The following UBE2J2 variants were observed in gnomAD, a reference collection of about 807,000 sequenced individuals.
UBE2J2 encodes the protein ubiquitin conjugating enzyme E2 J2.
A neutral mutation model predicts 28.6 loss-of-function variants in UBE2J2; 5 were observed. The ratio of observed to expected loss-of-function variants is 0.17; its 90% CI spans 0.09 to 0.37. The LOEUF (loss-of-function observed/expected upper bound fraction) is 0.37, where lower values mean the gene tolerates loss of function less well. UBE2J2 is among the 10% of genes least tolerant of loss of function. UBE2J2 has a pLI of 1.00. For missense variants in UBE2J2, 226 were observed against 338.9 expected (o/e 0.67, Z 2.62); for synonymous variants, 138 against 139.7 (o/e 0.99, Z 0.09).
chr1:1,256,657 C>T (rs886980787), intron 5 of UBE2J2, among the ~76,000 whole-genome samples: 5 of 151,788 alleles, frequency 3.3e-5, no homozygotes, highest in Admixed American at 2.6e-4. Flanking sequence ...CCCAGGCGGG[C>T]GGATCACGAG....
At chr1:1,267,289 G>C (rs991794327) in intron 2 of UBE2J2, among the ~76,000 whole-genome samples, 1 of 141,850 alleles carries the variant, frequency 7.0e-6, no homozygotes, top group Admixed American at 6.8e-5. Flanking sequence ...GCAAGGGGGA[G>C]AGTCACCATG....
rs535898446 is a variant in UBE2J2 at position 1,271,535 on chromosome 1, T to C, written c.-1+2131A>G. 2.6e-5 allele frequency: 4 copies of C among 152,260 alleles called. No individual in the cohort carries two copies. The South Asian group carries it at 8.3e-4, about 32-fold the overall frequency. 9.4% of individuals were successfully genotyped at this position (152,260 alleles called of 1,614,324 possible). A position where few individuals can be genotyped will look rare whatever the true frequency, so the allele number is the denominator to read the frequency against. Reference sequence around the variant, plus strand: ...CTGCTTGGAGAGGCTTTTAAAATCATGTTCACGATTCAACTGCTGTTTCCC... The same window carrying C: ...CTGCTTGGAGAGGCTTTTAAAATCACGTTCACGATTCAACTGCTGTTTCCC... On this transcript the variant is annotated intron_variant, in intron 1 of 6. Transcript: ENST00000349431.
intron 2 of UBE2J2, 23 bp downstream of exon 2, chr1:1,267,839 C>G: frequency 3.1e-6 from 5 of 1,612,434 alleles, no homozygotes; most frequent in Non-Finnish European, 4.2e-6. Context: ...CAGCGCAGGG[C>G]GATCAGTGGC....
chr1:1,265,603 TTGTGTGTGTGTGTGTGTGTGTG>T (rs57125925), intron 2 of UBE2J2, among the ~76,000 whole-genome samples: 11 of 120,948 alleles, frequency 9.1e-5, no homozygotes, highest in Admixed American at 1.8e-4. Flanking sequence ...TTTCTCTCCA[TTGTGTGTGTGTGTGTGTGTGTG>T]TGTGTGTGTG....
Position 1,255,333 on chromosome 1 carries a change from G to A in UBE2J2, c.650C>T (p.Ala217Val). ...GTGCCGGTTGGCCTGCTGGAGCCCT[G>A]CGAGGTTTGGGACGGCCCCCGGCGC... ...GHAPGAVPNL[A>V]GLQQANRHHG... is the part of the protein sequence containing the mutation. Residue 217 changes from alanine (A) to valine (V), a missense_variant, in exon 7 of 7, where the codon GCA (alanine) becomes GTA (valine). This residue lies in a region of UBE2J2 where 133 missense variants were observed against 161.5 expected (regional missense o/e 0.82). Transcript: ENST00000349431. 1 of 1,613,744 alleles carries A rather than the reference G, an allele frequency of 6.2e-7. No homozygotes were observed. Among genetic ancestry groups the A allele is most frequent in the Non-Finnish European group, 8.5e-7 (1 of 1,180,028 alleles).
intron 5 of UBE2J2, 117 bp from the exon 6 acceptor site, chr1:1,256,242 T>A: frequency 1.4e-6 from 1 of 710,086 alleles, no homozygotes; most frequent in Non-Finnish European, 2.4e-6. Flanking sequence ...AAGCATTTAA[T>A]AAGCACACTC....
At chr1:1,260,661 C>T (rs996301554) in intron 3 of UBE2J2, among the ~76,000 whole-genome samples, 1 of 152,250 alleles carries the variant, frequency 6.6e-6, no homozygotes, top group Non-Finnish European at 1.5e-5. Flanking sequence ...AACATCCCCA[C>T]ACCCCAGGCC....
chr1:1,259,850 C>T (rs977319250), intron 3 of UBE2J2, among the ~76,000 whole-genome samples: 1 of 152,208 alleles, frequency 6.6e-6, no homozygotes, highest in African/African-American at 2.4e-5. Flanking sequence ...CAAGGGAAAC[C>T]TGTGTGCAGA....
chr1:1,256,973 G>C lies in UBE2J2; in HGVS notation c.414+19C>G. On this transcript the variant is annotated intron_variant, in intron 5 of 6. Coordinates refer to ENST00000349431, the MANE Select transcript of UBE2J2 (RefSeq NM_058167.3). The stretch of plus-strand genomic sequence containing the variant: ...GACACAAGGCTGACGGCCCACCAGG[G>C]AGAGGCTCTAAAACTTACCGTGAAG... 6.7e-7 allele frequency: 1 copy of C among 1,482,984 alleles called. No homozygotes were observed. The highest frequency in any genetic ancestry group is 9.0e-7 in the Non-Finnish European group (1 of 1,111,238). The allele number at this position is 1,482,984 out of a possible 1,614,324, so 91.9% of individuals were successfully genotyped here. A position where few individuals can be genotyped will look rare whatever the true frequency, so the allele number is the denominator to read the frequency against.
At chr1:1,256,315 A>G (rs1368788783) in intron 5 of UBE2J2, 190 bp from the exon 6 acceptor site, 22 of 536,184 alleles carry the variant, frequency 4.1e-5, no homozygotes, top group Middle Eastern at 5.0e-4. Context: ...TCAATTCATG[A>G]TATCACACTT....
intron 3 of UBE2J2, among the ~76,000 whole-genome samples, chr1:1,261,995 T>C (rs769367722): frequency 6.6e-6 from 1 of 152,046 alleles, no homozygotes; most frequent in Non-Finnish European, 1.5e-5. Context: ...GTAGCTGGGA[T>C]TATAGGCATG....
chr1:1,255,152 G>A lies in UBE2J2; in HGVS notation c.*51C>T, dbSNP rs779756177. ...AGTGTGTCCAGCCTGCCGAGGTCACGCTCTGGTGCGCGGTGCCCTCAGTGG... is the reference window on the plus strand; with the variant it reads ...AGTGTGTCCAGCCTGCCGAGGTCACACTCTGGTGCGCGGTGCCCTCAGTGG... On this transcript the variant is annotated 3_prime_UTR_variant, in exon 7 of 7. Coordinates refer to ENST00000349431, the MANE Select transcript of UBE2J2 (RefSeq NM_058167.3). 1.4e-5 allele frequency: 21 copies of A among 1,519,798 alleles called. No individual in the cohort carries two copies. Among genetic ancestry groups the A allele is most frequent in the Non-Finnish European group, 1.7e-5 (19 of 1,127,764 alleles). 94.1% of individuals were successfully genotyped at this position (1,519,798 alleles called of 1,614,324 possible).
Position 1,257,234 on chromosome 1 carries a change from G to A in UBE2J2, c.249C>T (p.Pro83=), listed in dbSNP as rs762451787. Residue 83 remains proline (P), a synonymous_variant, in exon 4 of 7, where the codon CCC becomes CCT. Transcript: ENST00000349431. ...TGGTGTTGCACTTAAACCTCCCGTT[G>A]GGAGTGATCATATAGATACTGGGAG... ...FKPPSIYMIT[P]NGRFKCNTRL... 1 of 1,612,744 alleles carries A rather than the reference G, an allele frequency of 6.2e-7. No individual in the cohort carries two copies. Among genetic ancestry groups the A allele is most frequent in the East Asian group, 2.2e-5 (1 of 44,820 alleles).
intron 3 of UBE2J2, among the ~76,000 whole-genome samples, chr1:1,258,380 A>G (rs1639335719): frequency 1.3e-5 from 2 of 152,040 alleles, no homozygotes; most frequent in African/African-American, 4.8e-5. Context: ...ATAGCCTTAT[A>G]AGGGGCCACT....
chr1:1,265,649 G>GTGTGTGTGTGTGT (rs60585001), intron 2 of UBE2J2, among the ~76,000 whole-genome samples: 4 of 146,028 alleles, frequency 2.7e-5, no homozygotes, highest in Admixed American at 7.0e-5. Flanking sequence ...GTGTGTGTGT[G>GTGTGTGTGTGTGT]GTGGAGTCTC....
intron 1 of UBE2J2, 176 bp downstream of exon 1, chr1:1,273,490 G>C (rs1041612186): frequency 1.3e-5 from 2 of 152,120 alleles, no homozygotes; most frequent in African/African-American, 4.8e-5. Flanking sequence ...GGAGCCCGCC[G>C]TAACCGACCT....
intron 1 of UBE2J2, among the ~76,000 whole-genome samples, chr1:1,270,613 C>T (rs1047778354): frequency 1.3e-5 from 2 of 152,180 alleles, no homozygotes; most frequent in Admixed American, 1.3e-4. Flanking sequence ...CCCATCAACA[C>T]CACAGGAGCC....
Position 1,268,288 on chromosome 1 carries a change from T to C in UBE2J2, c.1-296A>G, listed in dbSNP as rs1639978741. 6.6e-6 allele frequency among the ~76,000 whole-genome samples: 1 copy of C among 151,986 alleles called. No homozygotes were observed. Among genetic ancestry groups the C allele is most frequent in the South Asian group, 2.1e-4 (1 of 4,810 alleles). ...TGTCCTCCAAAAACTCACGCAGGGA[T>C]ACATTTACAGGGCTTGAGGGGGTAT... On this transcript the variant is annotated intron_variant, in intron 1 of 6. Coordinates refer to ENST00000349431, the MANE Select transcript of UBE2J2 (RefSeq NM_058167.3). The surrounding 1 kb of genome is among the most constrained non-coding windows in gnomAD (Gnocchi z 4.7).
intron 2 of UBE2J2, chr1:1,266,350 G>C (rs142191698): frequency 2.6e-5 from 8 of 307,716 alleles, no homozygotes; most frequent in East Asian, 1.1e-4. Flanking sequence ...CCAGCACTTT[G>C]GGAGGCTGAG....
Sources: gnomAD v4.1 joint callset for allele counts (sites outside exome capture counted in the v4.1 genomes callset) on GRCh38, gnomAD v4.1.1 for gene constraint, gnomAD v4.1.1 regional missense constraint, Gnocchi (gnomAD v3.1) non-coding constraint, MANE v1.5 for transcripts, NCBI Gene and HGNC (gene_info 2026-07-23, HGNC 2026-07-21) for gene names.